Variants in PLCL1 observed in about 807,000 individuals in gnomAD.
PLCL1 encodes phospholipase C like 1 (inactive).
A neutral mutation model predicts 84.4 loss-of-function variants in PLCL1; 41 were observed. The observed-to-expected ratio is 0.49, with a 90% CI of 0.38 to 0.63. The LOEUF is 0.63. PLCL1 is among the 30% of genes least tolerant of loss of function. The probability of loss-of-function intolerance (pLI) is 0.00; values close to 1 mark genes in which losing one functional copy is unlikely to be tolerated. For missense variants in PLCL1, 1,206 were observed against 1,367.8 expected (o/e 0.88, Z 1.87); for synonymous variants, 490 against 488.3 (o/e 1.00, Z -0.05).
intron 1 of PLCL1, among the ~76,000 whole-genome samples, chr2:197,923,196 C>T (rs1167268869): frequency 1.1e-4 from 15 of 133,512 alleles, no homozygotes; most frequent in African/African-American, 2.3e-4. Flanking sequence ...GGCGGCTGGC[C>T]GGGCGGGGGG....
intron 1 of PLCL1, among the ~76,000 whole-genome samples, chr2:197,941,106 A>G (rs1689150253): frequency 6.6e-6 from 1 of 152,188 alleles, no homozygotes; most frequent in Non-Finnish European, 1.5e-5. Context: ...CTGAGATTAA[A>G]CTAGACATCT....
At chr2:198,094,221 C>T (rs925885462) in intron 3 of PLCL1, among the ~76,000 whole-genome samples, 2 of 152,078 alleles carry the variant, frequency 1.3e-5, no homozygotes, top group Admixed American at 6.5e-5. Flanking sequence ...ACCACCATGC[C>T]CAGCTAATTT....
intron 1 of PLCL1, among the ~76,000 whole-genome samples, chr2:197,902,182 C>G (rs926811543): frequency 6.6e-6 from 1 of 152,114 alleles, no homozygotes; most frequent in East Asian, 1.9e-4. Context: ...GCATTACGAC[C>G]CTTTTGTGGG....
chr2:197,807,247 G>A (rs1690504574), intron 1 of PLCL1, among the ~76,000 whole-genome samples: 3 of 152,172 alleles, frequency 2.0e-5, no homozygotes, highest in African/African-American at 7.2e-5. Context: ...CCTCATAGAT[G>A]TTAACACTTT....
At chr2:198,021,048 C>G (rs1428995418) in intron 1 of PLCL1, among the ~76,000 whole-genome samples, 2 of 152,240 alleles carry the variant, frequency 1.3e-5, no homozygotes, top group Non-Finnish European at 2.9e-5. Context: ...AACAAACAGT[C>G]TCTCAGACCA....
intron 1 of PLCL1, among the ~76,000 whole-genome samples, chr2:197,910,563 C>T (rs1004874279): frequency 1.3e-5 from 2 of 152,236 alleles, no homozygotes; most frequent in Non-Finnish European, 2.9e-5. Flanking sequence ...TCTTACTGCA[C>T]ATCAGTCTCT....
At chr2:198,072,881 A>T (rs1259222905) in intron 1 of PLCL1, among the ~76,000 whole-genome samples, 1 of 152,162 alleles carries the variant, frequency 6.6e-6, no homozygotes, top group Non-Finnish European at 1.5e-5. Flanking sequence ...TTATTTTCAT[A>T]AAAAGATCTA....
chr2:198,004,003 A>G (rs1690668029), intron 1 of PLCL1, among the ~76,000 whole-genome samples: 1 of 152,226 alleles, frequency 6.6e-6, no homozygotes, highest in African/African-American at 2.4e-5. Context: ...ATAGGACCAG[A>G]AATTCTTATT....
intron 1 of PLCL1, among the ~76,000 whole-genome samples, chr2:197,806,252 C>T (rs1015057861): frequency 3.9e-5 from 6 of 152,074 alleles, no homozygotes; most frequent in Non-Finnish European, 7.4e-5. Flanking sequence ...CAGTATAAAA[C>T]GATATGTATG....
chr2:198,024,750 C>T (rs903511705), intron 1 of PLCL1, among the ~76,000 whole-genome samples: 2 of 144,354 alleles, frequency 1.4e-5, no homozygotes, highest in South Asian at 2.2e-4. Flanking sequence ...GCAACAAGAG[C>T]GAAATCTATC....
At chr2:198,058,397 T>G (rs1692116018) in intron 1 of PLCL1, among the ~76,000 whole-genome samples, 1 of 152,042 alleles carries the variant, frequency 6.6e-6, no homozygotes, top group Admixed American at 6.5e-5. Context: ...AAGAATTCAT[T>G]TTAGTGTATG....
intron 1 of PLCL1, among the ~76,000 whole-genome samples, chr2:197,822,978 A>G (rs950360397): frequency 2.0e-5 from 3 of 152,220 alleles, no homozygotes; most frequent in African/African-American, 7.2e-5. Flanking sequence ...GATTCAATTT[A>G]ATATGATGTA....
chr2:198,029,397 C>G (rs1691352525), intron 1 of PLCL1, among the ~76,000 whole-genome samples: 1 of 152,164 alleles, frequency 6.6e-6, no homozygotes, highest in South Asian at 2.1e-4. Flanking sequence ...TTAAAGCTCA[C>G]TTGTGAGACA....
At chr2:198,133,624 A>G (rs1380670437) in intron 5 of PLCL1, among the ~76,000 whole-genome samples, 1 of 152,104 alleles carries the variant, frequency 6.6e-6, no homozygotes, top group Non-Finnish European at 1.5e-5. Context: ...ATGTTTTGAC[A>G]AGTGCATGTG....
At chr2:198,018,214 T>C (rs1360824308) in intron 1 of PLCL1, among the ~76,000 whole-genome samples, 1 of 152,176 alleles carries the variant, frequency 6.6e-6, no homozygotes, top group Non-Finnish European at 1.5e-5. Context: ...TACTACGCTT[T>C]TCCCACAGTC....
chr2:197,817,657 T>G (rs1330499481), intron 1 of PLCL1, among the ~76,000 whole-genome samples: 1 of 152,076 alleles, frequency 6.6e-6, no homozygotes, highest in Non-Finnish European at 1.5e-5. Context: ...GTCATCAAAG[T>G]AAGAACTGCA....
chr2:197,964,241 T>A (rs1174372419), intron 1 of PLCL1, among the ~76,000 whole-genome samples: 1 of 152,122 alleles, frequency 6.6e-6, no homozygotes, highest in Non-Finnish European at 1.5e-5. Context: ...CATGGAAGAA[T>A]CTTTGAGTTC....
chr2:197,914,332 ATTT>A (rs111348712), intron 1 of PLCL1, among the ~76,000 whole-genome samples: 1 of 145,228 alleles, frequency 6.9e-6, no homozygotes. Context: ...TTTTTATGTT[ATTT>A]TTTTTTTTTT....
chr2:197,814,973 A>G (rs1574893014), intron 1 of PLCL1, among the ~76,000 whole-genome samples: 1 of 152,196 alleles, frequency 6.6e-6, no homozygotes, highest in African/African-American at 2.4e-5. Flanking sequence ...GAAGGAAGCT[A>G]TCTCTATAAT....
Sources: allele counts gnomAD v4.1 joint callset (sites outside exome capture counted in the v4.1 genomes callset), GRCh38; gene constraint gnomAD v4.1.1; transcripts MANE v1.5; gene names NCBI Gene and HGNC (gene_info 2026-07-23, HGNC 2026-07-21).